FARS2: variants seen among roughly 807,000 people sequenced by gnomAD.
The protein encoded by FARS2 is phenylalanine--tRNA ligase, mitochondrial.
A neutral mutation model predicts 46.4 loss-of-function variants in FARS2; 40 were observed. The observed-to-expected ratio is 0.86, with a 90% CI of 0.67 to 1.12. The LOEUF is 1.12. FARS2 is among the 50% of genes most tolerant of loss of function. The pLI, the probability that FARS2 is intolerant of heterozygous loss-of-function variation, is 0.00. For synonymous variants in FARS2, 234 were observed against 214.9 expected (o/e 1.09, Z -0.78); for missense variants, 513 against 567.9 (o/e 0.90, Z 0.98).
intron 5 of FARS2, among the ~76,000 whole-genome samples, chr6:5,572,591 G>A (rs1242443533): frequency 2.0e-5 from 3 of 152,008 alleles, no homozygotes; most frequent in African/African-American, 7.3e-5. Flanking sequence ...TTGTGCCACA[G>A]CTTCCTTGCC....
At chr6:5,632,969 AT>A (rs1263087366) in intron 6 of FARS2, among the ~76,000 whole-genome samples, 1 of 149,574 alleles carries the variant, frequency 6.7e-6, no homozygotes, top group African/African-American at 2.5e-5. Flanking sequence ...TCCCTCCCTC[AT>A]TTTTTCCTTC....
chr6:5,617,247 G>A (rs1775526418), intron 6 of FARS2, among the ~76,000 whole-genome samples: 1 of 152,216 alleles, frequency 6.6e-6, no homozygotes, highest in Non-Finnish European at 1.5e-5. Flanking sequence ...AGTTCCTTCT[G>A]AAGGAGACAG....
chr6:5,363,753 T>C (rs1222488842), intron 1 of FARS2, among the ~76,000 whole-genome samples: 2 of 152,184 alleles, frequency 1.3e-5, no homozygotes, highest in Admixed American at 6.5e-5. Flanking sequence ...ACCCTTTACG[T>C]CCCCTCTGTC....
At chr6:5,460,332 G>T (rs958108819) in intron 4 of FARS2, among the ~76,000 whole-genome samples, 3 of 152,138 alleles carry the variant, frequency 2.0e-5, no homozygotes, top group African/African-American at 7.2e-5. Flanking sequence ...TTCTTTTATC[G>T]TATAGGTATA....
At chr6:5,347,050 A>G (rs747094481) in intron 1 of FARS2, among the ~76,000 whole-genome samples, 4 of 151,856 alleles carry the variant, frequency 2.6e-5, no homozygotes, top group Non-Finnish European at 4.4e-5. Flanking sequence ...AGTAGCTGGG[A>G]TTACAGTCAC....
chr6:5,487,505 C>T (rs185719038), intron 4 of FARS2, among the ~76,000 whole-genome samples: 146 of 152,266 alleles, frequency 9.6e-4, no homozygotes, highest in East Asian at 1.5e-3. Flanking sequence ...CTACAACAGC[C>T]GTGTGTATTT....
At chr6:5,289,993 G>T (rs1461084042) in intron 1 of FARS2, among the ~76,000 whole-genome samples, 1 of 152,068 alleles carries the variant, frequency 6.6e-6, no homozygotes, top group Non-Finnish European at 1.5e-5. Context: ...TGTGTTCATG[G>T]TTCTTTTCAA....
intron 4 of FARS2, among the ~76,000 whole-genome samples, chr6:5,475,832 T>C (rs568259014): frequency 6.6e-6 from 1 of 152,060 alleles, no homozygotes; most frequent in Admixed American, 6.6e-5. Flanking sequence ...AATTCCCCTC[T>C]CTGTGTCCCA....
intron 4 of FARS2, among the ~76,000 whole-genome samples, chr6:5,542,246 A>G (rs191956751): frequency 1.8e-4 from 27 of 152,206 alleles, no homozygotes; most frequent in African/African-American, 5.5e-4. Flanking sequence ...TATTTTACCC[A>G]GCTCCTACTC....
intron 5 of FARS2, among the ~76,000 whole-genome samples, chr6:5,588,536 C>T (rs1408570470): frequency 4.6e-5 from 7 of 152,178 alleles, no homozygotes; most frequent in Non-Finnish European, 7.4e-5. Flanking sequence ...GGTGGCTGCC[C>T]TCTCCCTCCC....
At chr6:5,371,572 ACT>A (rs1403198413) in intron 2 of FARS2, among the ~76,000 whole-genome samples, 2 of 152,188 alleles carry the variant, frequency 1.3e-5, no homozygotes, top group South Asian at 4.1e-4. Flanking sequence ...TAAAATGAAA[ACT>A]CTAGTGAACA....
chr6:5,551,530 T>G (rs1771373404), intron 5 of FARS2, among the ~76,000 whole-genome samples: 1 of 152,218 alleles, frequency 6.6e-6, no homozygotes, highest in Non-Finnish European at 1.5e-5. Flanking sequence ...TCCACATTTT[T>G]ATGTATTTGT....
chr6:5,414,981 A>AT lies in FARS2; in HGVS notation c.772+10289dup, dbSNP rs559168191. On this transcript the variant is annotated intron_variant, in intron 3 of 6. Coordinates refer to ENST00000274680, the MANE Select transcript of FARS2 (RefSeq NM_006567.5). Reference sequence around the variant, plus strand: ...AGGCACCCGCCACCATGCCTGGGTAATTTTTTTTTGTATTTTTAGTAGAGA... The same window carrying AT: ...AGGCACCCGCCACCATGCCTGGGTAATTTTTTTTTTGTATTTTTAGTAGAGA... 3.5e-3 allele frequency among the ~76,000 whole-genome samples: 522 copies of AT among 150,148 alleles called. 6 individuals carry two copies. Among genetic ancestry groups the AT allele is most frequent in the East Asian group, 0.016 (82 of 5,054 alleles).
At chr6:5,324,432 G>C (rs1385253676) in intron 1 of FARS2, among the ~76,000 whole-genome samples, 1 of 140,244 alleles carries the variant, frequency 7.1e-6, no homozygotes, top group African/African-American at 2.6e-5. Flanking sequence ...TTGTGGGAAA[G>C]AGACTATTTG....
chr6:5,539,384 GTATATATATA>G (rs1554106819), intron 4 of FARS2, among the ~76,000 whole-genome samples: 1 of 79,582 alleles, frequency 1.3e-5, no homozygotes, highest in Non-Finnish European at 2.8e-5. Flanking sequence ...TTTTTTTTGT[GTATATATATA>G]TATATGTATA....
At chr6:5,513,359 A>G (rs939246791) in intron 4 of FARS2, among the ~76,000 whole-genome samples, 2 of 152,216 alleles carry the variant, frequency 1.3e-5, no homozygotes, top group African/African-American at 4.8e-5. Context: ...GACTCAGTCA[A>G]TGTTTTTGAG....
intron 6 of FARS2, among the ~76,000 whole-genome samples, chr6:5,640,417 G>A (rs536266676): frequency 4.6e-5 from 7 of 152,258 alleles, no homozygotes; most frequent in African/African-American, 1.7e-4. Flanking sequence ...CTGCGAGTTG[G>A]CCACTCCCAG....
chr6:5,250,376 G>T, the FARS2 span, among the ~76,000 whole-genome samples: 1 of 152,198 alleles, frequency 6.6e-6, no homozygotes, highest in African/African-American at 2.4e-5. Flanking sequence ...GAGTAAAAAA[G>T]AATGTTATTT....
At chr6:5,319,771 G>T (rs1235928867) in intron 1 of FARS2, among the ~76,000 whole-genome samples, 1 of 152,150 alleles carries the variant, frequency 6.6e-6, no homozygotes, top group Non-Finnish European at 1.5e-5. Flanking sequence ...GTAACGGGAA[G>T]CTTTCTGTTA....
Sources: gnomAD v4.1 joint callset for allele counts (sites outside exome capture counted in the v4.1 genomes callset) on GRCh38, gnomAD v4.1.1 for gene constraint, MANE v1.5 for transcripts, NCBI Gene and HGNC (gene_info 2026-07-23, HGNC 2026-07-21) for gene names.